The following UBXN2A variants were observed in gnomAD, a reference collection of about 807,000 sequenced individuals.
UBXN2A encodes the protein UBX domain-containing protein 2A.
UBXN2A carries 28 observed loss-of-function variants against 28.4 expected under a neutral mutation model. The ratio of observed to expected loss-of-function variants is 0.99; its 90% CI spans 0.73 to 1.35. The LOEUF is 1.35. UBXN2A is among the 40% of genes most tolerant of loss of function. The pLI, the probability that UBXN2A is intolerant of heterozygous loss-of-function variation, is 0.00. For synonymous variants in UBXN2A, 97 were observed against 103.6 expected, an observed-to-expected ratio of 0.94 and a Z score of 0.39; for missense variants, 253 against 297.9, an observed-to-expected ratio of 0.85 and a Z score of 1.11.
intron 3 of UBXN2A, among the ~76,000 whole-genome samples, chr2:23,976,055 C>T (rs1006162739): frequency 1.1e-4 from 16 of 152,278 alleles, no homozygotes; most frequent in Admixed American, 5.2e-4. Context: ...GTATTCACTT[C>T]GTATTATACA....
At chr2:23,971,956 G>A (rs922497773) in intron 3 of UBXN2A, among the ~76,000 whole-genome samples, 2 of 152,034 alleles carry the variant, frequency 1.3e-5, no homozygotes, top group Admixed American at 6.6e-5. Context: ...AAAATTAACT[G>A]GGCGTGGTGC....
intron 1 of UBXN2A, 23 bp from the exon 2 acceptor site, chr2:23,958,278 T>C (rs757025298): frequency 2.5e-6 from 4 of 1,571,708 alleles, no homozygotes; most frequent in African/African-American, 2.7e-5. Flanking sequence ...TTCTTTTTAC[T>C]TACTTTCTTT....
In UBXN2A at chr2:23,951,967, C is replaced by CTT. The variant is rs901333812; in HGVS notation, c.-14-6318_-14-6317dup. ...GTTATGATTTCCTGAAGTTTTTTTCCTTTTTTTTTTTTTTTTTGAGACAGA... is the reference window on the plus strand; with the variant it reads ...GTTATGATTTCCTGAAGTTTTTTTCCTTTTTTTTTTTTTTTTTTTGAGACAGA... On this transcript the variant is annotated intron_variant, in intron 1 of 6. Transcript: ENST00000309033. 2.7e-3 allele frequency among the ~76,000 whole-genome samples: 354 copies of CTT among 132,336 alleles called. 6 individuals carry two copies. Among genetic ancestry groups the CTT allele is most frequent in the Middle Eastern group, 4.0e-3 (1 of 248 alleles). 86.8% of individuals were successfully genotyped at this position (132,336 alleles called of 152,430 possible).
rs1380072102 is a variant in UBXN2A, at chr2:23,966,753, T to C, written c.42-4523T>C. 3.1e-5 allele frequency among the ~76,000 whole-genome samples: 3 copies of C among 95,746 alleles called. No homozygotes were observed. The South Asian group carries it at 1.0e-3, about 32-fold the overall frequency. 62.8% of individuals were successfully genotyped at this position (95,746 alleles called of 152,430 possible). ...GGCGTGAGCCACCGCGCCCGGCCTT[T>C]TTTTTTTTTTTTTTTTTTTAATGTT... On this transcript the variant is annotated intron_variant, in intron 2 of 6. Coordinates refer to ENST00000309033, the MANE Select transcript of UBXN2A (RefSeq NM_181713.4).
Position 23,971,305 on chromosome 2 carries a change from C to T in UBXN2A, c.71C>T (p.Pro24Leu), listed in dbSNP as rs1405179133. The T allele has an allele frequency of 6.4e-7, 1 of 1,567,756 alleles. No homozygotes were observed. Among genetic ancestry groups the T allele is most frequent in the Admixed American group, 1.7e-5 (1 of 59,146 alleles). ...WVCETGSDNQ[P>L]LGNNQQSNCE... ...TGTGAAACAGGATCTGATAATCAAC[C>T]TCTTGGTAATAATCAACAATCAAAT... The change falls in exon 3 of 7, where the codon CCT becomes CTT. Residue 24 changes from proline to leucine, a missense_variant. Transcript: ENST00000309033.
At chr2:23,970,573 AGAGAAGGG>A (rs889589032) in intron 2 of UBXN2A, among the ~76,000 whole-genome samples, 152 of 152,134 alleles carry the variant, frequency 1.0e-3, no homozygotes, top group African/African-American at 3.5e-3. Context: ...ACCTGTCAGG[AGAGAAGGG>A]GAGAAGGGGA....
chr2:23,949,335 G>C (rs988804355), intron 1 of UBXN2A, among the ~76,000 whole-genome samples: 37 of 151,790 alleles, frequency 2.4e-4, no homozygotes, highest in African/African-American at 7.7e-4. Context: ...ACTGTGGGAG[G>C]CCGAGGTGGG....
rs1708752005 is a variant in UBXN2A at position 24,003,301 on chromosome 2, T to C, written c.*3434T>C. ...TCTGCTAGACCACTAAGTTTATCCT[T>C]GTCACCCAGTTTGCTCTTGGAAAGA... On this transcript the variant is annotated 3_prime_UTR_variant, in exon 7 of 7. Coordinates refer to ENST00000309033, the MANE Select transcript of UBXN2A (RefSeq NM_181713.4). 1 of 152,228 alleles carries C rather than the reference T, an allele frequency of 6.6e-6. No individual in the cohort carries two copies. The highest frequency in any genetic ancestry group is 6.6e-5 in the Admixed American group (1 of 15,262). 9.4% of individuals were successfully genotyped at this position (152,228 alleles called of 1,614,324 possible).
intron 2 of UBXN2A, among the ~76,000 whole-genome samples, chr2:23,960,535 CAT>C (rs1238782693): frequency 2.0e-5 from 3 of 152,134 alleles, no homozygotes; most frequent in Non-Finnish European, 4.4e-5. Flanking sequence ...CAGTCATTAA[CAT>C]AGTCAATTTT....
chr2:23,941,091 T>C (rs1705734004), intron 1 of UBXN2A, among the ~76,000 whole-genome samples: 1 of 152,182 alleles, frequency 6.6e-6, no homozygotes, highest in Non-Finnish European at 1.5e-5. Flanking sequence ...GAAGGCCTGG[T>C]GTTCGCTGAT....
chr2:23,932,331 GAA>G (rs35708014), intron 1 of UBXN2A, among the ~76,000 whole-genome samples: 66,644 of 146,710 alleles, frequency 0.45, 15,641 homozygotes, highest in East Asian at 0.78. Context: ...CGTCTTGGGG[GAA>G]AAAAAAAAAA....
Position 23,999,949 on chromosome 2 carries a change from G to T in UBXN2A, c.*82G>T. 7.0e-7 allele frequency: 1 copy of T among 1,427,218 alleles called. No individual in the cohort carries two copies. The highest frequency in any genetic ancestry group is 9.6e-7 in the Non-Finnish European group (1 of 1,041,532). The allele number at this position is 1,427,218 out of a possible 1,614,324, so 88.4% of individuals were successfully genotyped here. ...CAAACCAAAATTGGGGATTGGAGAA[G>T]TCAGACTCACTAGACTTTTGGTTCG... On this transcript the variant is annotated 3_prime_UTR_variant, in exon 7 of 7. Coordinates refer to ENST00000309033, the MANE Select transcript of UBXN2A (RefSeq NM_181713.4).
rs939190968 is a variant in UBXN2A at position 23,928,595 on chromosome 2, T to A, written c.-138+980T>A. Among the ~76,000 whole-genome samples the A allele has an allele frequency of 7.3e-5, 11 of 151,668 alleles. 1 individual carries two copies. The highest frequency in any genetic ancestry group is 2.4e-4 in the African/African-American group (10 of 41,310). On this transcript the variant is annotated intron_variant, in intron 1 of 7. Coordinates refer to the UBXN2A transcript ENST00000404924. ...CCATCTCAAAAAAAAAAAAATAAAA[T>A]TCACAGTACATTAGACATAGCCTAC...
chr2:23,987,426 A>T (rs1326370465), intron 6 of UBXN2A, among the ~76,000 whole-genome samples: 1 of 152,240 alleles, frequency 6.6e-6, no homozygotes. Flanking sequence ...TTGCTAAAAT[A>T]GACTAAATTG....
At chr2:23,947,143 C>T (rs559115532) in intron 1 of UBXN2A, among the ~76,000 whole-genome samples, 1 of 152,240 alleles carries the variant, frequency 6.6e-6, no homozygotes, top group East Asian at 1.9e-4. Flanking sequence ...ACCACCTGAG[C>T]CTCCTAAAGT....
intron 1 of UBXN2A, among the ~76,000 whole-genome samples, chr2:23,934,052 C>T (rs771216119): frequency 3.3e-5 from 5 of 152,032 alleles, no homozygotes; most frequent in Non-Finnish European, 5.9e-5. Flanking sequence ...CCTGTCTCTA[C>T]TAAAAATACA....
intron 1 of UBXN2A, chr2:23,943,990 C>G: frequency 2.3e-5 from 11 of 482,926 alleles, no homozygotes; most frequent in South Asian, 2.0e-4. Context: ...AACACAGGTT[C>G]AAACCGTCCC....
At chr2:23,974,636 G>A (rs1224667254) in intron 3 of UBXN2A, among the ~76,000 whole-genome samples, 2 of 152,126 alleles carry the variant, frequency 1.3e-5, no homozygotes, top group African/African-American at 4.8e-5. Context: ...GCGAGCCACC[G>A]CGCCTGGCCT....
At chr2:23,944,058 C>T (rs1705909571) in intron 1 of UBXN2A, 1 of 601,558 alleles carries the variant, frequency 1.7e-6, no homozygotes, top group Admixed American at 2.2e-5. Flanking sequence ...GTCCATCTGC[C>T]ACCATGGCTC....
Sources: gnomAD v4.1 joint callset for allele counts (sites outside exome capture counted in the v4.1 genomes callset) on GRCh38, gnomAD v4.1.1 for gene constraint, MANE v1.5 for transcripts, NCBI Gene and HGNC (gene_info 2026-07-23, HGNC 2026-07-21) for gene names.